CAMTA1: variants seen among roughly 807,000 people sequenced by gnomAD.
CAMTA1 encodes calmodulin binding transcription activator 1.
A neutral mutation model predicts 170.9 loss-of-function variants in CAMTA1; 27 were observed. The ratio of observed to expected loss-of-function variants is 0.16; its 90% confidence interval spans 0.12 to 0.22. The LOEUF is 0.22. Ranked by LOEUF, CAMTA1 falls within the 10% of genes least tolerant of loss-of-function variation. The probability of loss-of-function intolerance (pLI) is 1.00; values close to 1 mark genes in which losing one functional copy is unlikely to be tolerated. For missense variants in CAMTA1, 1,619 were observed against 2,217.2 expected (o/e 0.73, Z 5.42); for synonymous variants, 833 against 891.5 (o/e 0.93, Z 1.17).
intron 5 of CAMTA1, among the ~76,000 whole-genome samples, chr1:7,414,080 A>G (rs1443940438): frequency 6.6e-6 from 1 of 152,222 alleles, no homozygotes; most frequent in Non-Finnish European, 1.5e-5. Context: ...GGTATGTTGA[A>G]CCAGCCTTGC....
intron 5 of CAMTA1, among the ~76,000 whole-genome samples, chr1:7,320,763 G>A (rs1473717806): frequency 6.7e-6 from 1 of 148,804 alleles, no homozygotes; most frequent in African/African-American, 2.5e-5. Flanking sequence ...AGGGCCCAAT[G>A]TGGGGCTGTA....
At chr1:6,882,138 T>A (rs1032917293) in intron 3 of CAMTA1, among the ~76,000 whole-genome samples, 3 of 152,126 alleles carry the variant, frequency 2.0e-5, no homozygotes, top group Non-Finnish European at 4.4e-5. Flanking sequence ...TGAAAAAAAA[T>A]CAGTATTTTA....
chr1:6,795,116 C>T (rs1642170369), intron 1 of CAMTA1, among the ~76,000 whole-genome samples: 3 of 152,108 alleles, frequency 2.0e-5, no homozygotes, highest in Admixed American at 6.5e-5. Flanking sequence ...TGGGGGGCGG[C>T]TGTGTCCTAC....
At chr1:7,762,955 G>A (rs531230914) in intron 22 of CAMTA1, among the ~76,000 whole-genome samples, 2,910 of 152,090 alleles carry the variant, frequency 0.019, 92 homozygotes, top group African/African-American at 0.066. Flanking sequence ...AAGTCTTTTA[G>A]AAAAAACAAT....
chr1:6,858,003 C>G (rs903730857), intron 3 of CAMTA1, among the ~76,000 whole-genome samples: 1 of 152,108 alleles, frequency 6.6e-6, no homozygotes, highest in Non-Finnish European at 1.5e-5. Flanking sequence ...AGAATGGTGC[C>G]TGGCACATAG....
At chr1:7,103,594 C>T (rs1224921840) in intron 4 of CAMTA1, among the ~76,000 whole-genome samples, 1 of 144,032 alleles carries the variant, frequency 6.9e-6, no homozygotes, top group Admixed American at 6.9e-5. Context: ...GTACACACAA[C>T]ACACATGTAC....
At chr1:7,265,912 C>T (rs2149377977) in intron 5 of CAMTA1, among the ~76,000 whole-genome samples, 1 of 152,286 alleles carries the variant, frequency 6.6e-6, no homozygotes, top group East Asian at 1.9e-4. Flanking sequence ...GGATACGGCT[C>T]AGTGACAAGG....
chr1:7,686,159 G>A (rs1222025928), intron 11 of CAMTA1, among the ~76,000 whole-genome samples: 1 of 152,140 alleles, frequency 6.6e-6, no homozygotes, highest in Non-Finnish European at 1.5e-5. Context: ...CACTGTTCTG[G>A]GCTCTGGGGA....
At chr1:7,401,160 T>C (rs1188280927) in intron 5 of CAMTA1, among the ~76,000 whole-genome samples, 1 of 152,262 alleles carries the variant, frequency 6.6e-6, no homozygotes, top group African/African-American at 2.4e-5. Flanking sequence ...ATGTCTATGA[T>C]CTGCTTTGCA....
At chr1:7,586,653 G>A (rs1430899446) in intron 6 of CAMTA1, among the ~76,000 whole-genome samples, 1 of 152,150 alleles carries the variant, frequency 6.6e-6, no homozygotes, top group East Asian at 1.9e-4. Context: ...GGAAAGGGTA[G>A]AAGCATACCC....
At chr1:6,890,230 G>A (rs1027340629) in intron 3 of CAMTA1, among the ~76,000 whole-genome samples, 1 of 152,184 alleles carries the variant, frequency 6.6e-6, no homozygotes, top group African/African-American at 2.4e-5. Context: ...CATGGCCCTG[G>A]CATTGACTCA....
rs1638487503 is a variant in CAMTA1 at position 7,070,451 on chromosome 1, G to A, written c.235-20853G>A. ...AAAAATGGGCGTGATACTGGTGGTC[G>A]CTGTTGTCTTCCCGCAGCGATAGAA... On this transcript the variant is annotated intron_variant, in intron 3 of 22. Transcript: ENST00000303635. 2.0e-5 allele frequency among the ~76,000 whole-genome samples: 3 copies of A among 152,176 alleles called. No homozygotes were observed. In the South Asian group the frequency reaches 6.2e-4, roughly 32 times the overall value.
chr1:7,156,758 A>G (rs1014969519), intron 4 of CAMTA1, among the ~76,000 whole-genome samples: 11 of 152,186 alleles, frequency 7.2e-5, no homozygotes, highest in African/African-American at 2.7e-4. Flanking sequence ...CAAGCAGATC[A>G]TTCATTATTT....
At chr1:7,472,547 G>A (rs1182469863) in intron 6 of CAMTA1, among the ~76,000 whole-genome samples, 3 of 152,058 alleles carry the variant, frequency 2.0e-5, no homozygotes, top group Non-Finnish European at 4.4e-5. Flanking sequence ...GCCTCCCCTG[G>A]GGGCACCACC....
At chr1:6,939,856 A>G (rs547993011) in intron 3 of CAMTA1, among the ~76,000 whole-genome samples, 103 of 152,380 alleles carry the variant, frequency 6.8e-4, no homozygotes, top group African/African-American at 2.3e-3. Context: ...CCATGAGAGC[A>G]GGCACCTTCT....
At chr1:7,270,665 T>C (rs1669667882) in intron 5 of CAMTA1, among the ~76,000 whole-genome samples, 1 of 152,090 alleles carries the variant, frequency 6.6e-6, no homozygotes, top group African/African-American at 2.4e-5. Context: ...CCTATTTACA[T>C]AAAGGAACGA....
chr1:7,067,215 G>T lies in CAMTA1; in HGVS notation c.235-24089G>T, dbSNP rs1709070304. 6.6e-6 allele frequency among the ~76,000 whole-genome samples: 1 copy of T among 152,190 alleles called. No homozygotes were observed. Among genetic ancestry groups the T allele is most frequent in the Admixed American group, 6.5e-5 (1 of 15,282 alleles). On this transcript the variant is annotated intron_variant, in intron 3 of 22. Coordinates refer to ENST00000303635, the MANE Select transcript of CAMTA1 (RefSeq NM_015215.4). The surrounding 1 kb of genome is among the most constrained non-coding windows in gnomAD (Gnocchi z 4.3). ...GCTGGTAAATCTATGGCATGGAAAA[G>T]GTGGAAGAGTTATCTCTGCTTCCTA...
chr1:6,902,639 T>C (rs1041095073), intron 3 of CAMTA1, among the ~76,000 whole-genome samples: 2 of 152,180 alleles, frequency 1.3e-5, no homozygotes, highest in East Asian at 3.8e-4. Flanking sequence ...GCTCTGTTTG[T>C]TTGTCAGAAT....
At chr1:7,616,565 CG>C (rs1558008134) in intron 6 of CAMTA1, among the ~76,000 whole-genome samples, 1 of 152,172 alleles carries the variant, frequency 6.6e-6, no homozygotes. Context: ...AGCCGGGCCT[CG>C]GGGGTGACTG....
Sources: allele counts gnomAD v4.1 joint callset (sites outside exome capture counted in the v4.1 genomes callset), GRCh38; gene constraint gnomAD v4.1.1; non-coding constraint Gnocchi (gnomAD v3.1); transcripts MANE v1.5; gene names NCBI Gene and HGNC (gene_info 2026-07-23, HGNC 2026-07-21).